The following TPD52L2 variants were observed in gnomAD, a reference collection of about 807,000 sequenced individuals.
TPD52L2 encodes TPD52 like 2.
In TPD52L2, 19 loss-of-function variants were observed where a neutral mutation model predicts 24.7. That is an observed-to-expected ratio of 0.77 (90% CI 0.54 to 1.13). The LOEUF is 1.13. TPD52L2 is among the 50% of genes most tolerant of loss of function. The pLI is 0.00. For missense variants in TPD52L2, 236 were observed against 250.4 expected (o/e 0.94, Z 0.39); for synonymous variants, 104 against 100.2 (o/e 1.04, Z -0.23).
intron 2 of TPD52L2, among the ~76,000 whole-genome samples, chr20:63,872,653 C>T (rs2052511024): frequency 6.6e-6 from 1 of 152,102 alleles, no homozygotes; most frequent in Admixed American, 6.5e-5. Flanking sequence ...GCTGGGATTA[C>T]AGGCGTGAGC....
rs1176732861 is a variant in TPD52L2 at position 63,877,033 on chromosome 20, G to T, written c.374+1158G>T. The stretch of plus-strand genomic sequence containing the variant: ...GCCCTGGGTTTTTTTTGTTTGTTTG[G>T]TTTTTTTTTTGAGACAACGTCTCGT... On this transcript the variant is annotated intron_variant, in intron 4 of 6. Transcript: ENST00000346249. This position sits in a 1 kb window ranked among gnomAD's most constrained non-coding sequence, Gnocchi z 4.1. 5.5e-5 allele frequency: 22 copies of T among 401,126 alleles called. No individual in the cohort carries two copies. The East Asian group carries it at 8.4e-4, about 15-fold the overall frequency. 24.8% of individuals were successfully genotyped at this position (401,126 alleles called of 1,614,324 possible).
chr20:63,876,343 T>C (rs2146206486), intron 4 of TPD52L2, among the ~76,000 whole-genome samples: 1 of 152,316 alleles, frequency 6.6e-6, no homozygotes, highest in East Asian at 1.9e-4. Flanking sequence ...GTGGAGGGCA[T>C]GGTGTAGGAT....
At chr20:63,866,499 C>T (rs1054197384) in intron 1 of TPD52L2, among the ~76,000 whole-genome samples, 1 of 150,988 alleles carries the variant, frequency 6.6e-6, no homozygotes, top group African/African-American at 2.4e-5. Context: ...CTCACTCTGT[C>T]GCCCAGGCTG....
intron 5 of TPD52L2, chr20:63,888,107 G>A (rs1330386589): frequency 6.1e-6 from 1 of 164,336 alleles, no homozygotes; most frequent in East Asian, 1.8e-4. Flanking sequence ...TCCCTATTCT[G>A]TGCCTGCGCC....
intron 5 of TPD52L2, chr20:63,887,761 C>A (rs949134149): frequency 8.0e-6 from 6 of 748,326 alleles, no homozygotes; most frequent in Admixed American, 6.4e-5. Flanking sequence ...CCGGTAAAAA[C>A]CCCCTCTAGG....
intron 4 of TPD52L2, among the ~76,000 whole-genome samples, chr20:63,880,201 T>G (rs1469525462): frequency 9.0e-5 from 6 of 66,344 alleles, no homozygotes; most frequent in South Asian, 7.5e-4. Context: ...CAGGTGCAGC[T>G]TCCCCATCCC....
chr20:63,885,513 C>T (rs754599189), intron 5 of TPD52L2, among the ~76,000 whole-genome samples: 49 of 152,210 alleles, frequency 3.2e-4, no homozygotes, highest in South Asian at 4.1e-4. Flanking sequence ...AAATGCTCGG[C>T]GCCAAGGGTG....
At chr20:63,885,147 C>T (rs571284566) in intron 5 of TPD52L2, among the ~76,000 whole-genome samples, 30 of 152,328 alleles carry the variant, frequency 2.0e-4, no homozygotes, top group Non-Finnish European at 3.8e-4. Context: ...AACTCTTGGG[C>T]GGAAGCCCCT....
At position 63,871,696 on chromosome 20, in the gene TPD52L2, C is replaced by T. The variant is rs866599536; in HGVS notation, c.166-1972C>T. On this transcript the variant is annotated intron_variant, in intron 2 of 6. Coordinates refer to ENST00000346249, the MANE Select transcript of TPD52L2 (RefSeq NM_003288.4). Reference sequence around the variant, plus strand: ...TTGCCCAGGCTGGAGTGGAATGGTGCGATCTTGGCTCACTGCAGCCTCTGC... The same window carrying T: ...TTGCCCAGGCTGGAGTGGAATGGTGTGATCTTGGCTCACTGCAGCCTCTGC... Among the ~76,000 whole-genome samples the T allele has an allele frequency of 5.1e-5, 7 of 137,920 alleles. No homozygotes were observed. The Admixed American group carries it at 5.2e-4, about 10-fold the overall frequency. 90.5% of individuals were successfully genotyped at this position (137,920 alleles called of 152,430 possible).
Position 63,875,065 on chromosome 20 carries a change from C to T in TPD52L2, c.315-751C>T, listed in dbSNP as rs1311474003. On this transcript the variant is annotated intron_variant, in intron 3 of 6. Coordinates refer to ENST00000346249, the MANE Select transcript of TPD52L2 (RefSeq NM_003288.4). ...GCTGAGGCAGGAGAATCTCTTTAAC[C>T]CGGGAGGCGGAGGTTGCAGTGAGCC... Among the ~76,000 whole-genome samples, 4 of 151,710 alleles carry T rather than the reference C, an allele frequency of 2.6e-5. No homozygotes were observed. In the South Asian group the frequency reaches 8.3e-4, roughly 32 times the overall value.
intron 2 of TPD52L2, among the ~76,000 whole-genome samples, chr20:63,872,553 T>G (rs1288580140): frequency 6.6e-6 from 1 of 150,900 alleles, no homozygotes; most frequent in Non-Finnish European, 1.5e-5. Flanking sequence ...AATTTTTGTA[T>G]TTTTAGTAGA....
At chr20:63,887,745 T>A in intron 5 of TPD52L2, 1 of 852,868 alleles carries the variant, frequency 1.2e-6, no homozygotes. Flanking sequence ...CTCTGATGAC[T>A]AAGGGCCGGT....
rs1475944288 is a variant in TPD52L2, at chr20:63,877,212, A to G, written c.374+1337A>G. ...GGCTAATTTTTTCTATTTTTAGTAG[A>G]GACAGGATTTCACCATGTCAGCCAG... On this transcript the variant is annotated intron_variant, in intron 4 of 6. Transcript: ENST00000346249. The surrounding 1 kb of genome is among the most constrained non-coding windows in gnomAD (Gnocchi z 4.1). 1 of 344,442 alleles carries G rather than the reference A, an allele frequency of 2.9e-6. No individual in the cohort carries two copies. Among genetic ancestry groups the G allele is most frequent in the South Asian group, 2.2e-5 (1 of 45,410 alleles). 21.3% of individuals were successfully genotyped at this position (344,442 alleles called of 1,614,324 possible). A position where few individuals can be genotyped will look rare whatever the true frequency, so the allele number is the denominator to read the frequency against.
intron 5 of TPD52L2, among the ~76,000 whole-genome samples, chr20:63,884,858 G>A (rs1217867254): frequency 6.6e-6 from 1 of 152,218 alleles, no homozygotes; most frequent in Non-Finnish European, 1.5e-5. Flanking sequence ...GGCTGGCCGT[G>A]TTCACGGTGC....
In TPD52L2 at chr20:63,870,520, GTT is replaced by G. The variant is rs959786861; in HGVS notation, c.165+1103_165+1104del. Among the ~76,000 whole-genome samples, 743 of 94,418 alleles carry G rather than the reference GTT, an allele frequency of 7.9e-3. 1 individual carries two copies. The highest frequency in any genetic ancestry group is 0.029 in the African/African-American group (677 of 22,986). 61.9% of individuals were successfully genotyped at this position (94,418 alleles called of 152,430 possible). On this transcript the variant is annotated intron_variant, in intron 2 of 6. Transcript: ENST00000346249. The stretch of plus-strand genomic sequence containing the variant: ...CAGAGTTGAATTACAATAAGGTGAA[GTT>G]TTTTTTTTTTTTTTTTTTTTTTTGA...
intron 4 of TPD52L2, among the ~76,000 whole-genome samples, chr20:63,878,054 G>A (rs999407603): frequency 2.0e-5 from 3 of 152,264 alleles, no homozygotes; most frequent in Non-Finnish European, 4.4e-5. Context: ...GCCATGGCGC[G>A]TGCTCTTCCT....
chr20:63,867,014 C>T (rs1023272252), intron 1 of TPD52L2, among the ~76,000 whole-genome samples: 7 of 150,202 alleles, frequency 4.7e-5, no homozygotes, highest in Admixed American at 2.0e-4. Context: ...AGTACAATGG[C>T]GCGATCATGG....
Position 63,877,961 on chromosome 20 carries a change from C to T in TPD52L2, c.374+2086C>T, listed in dbSNP as rs371253095. ...CCGAGGGCGATGGTTTCTGCCGGGACGGCCGAGGCCGAGGGCGGTGGTTTC... is the reference window on the plus strand; with the variant it reads ...CCGAGGGCGATGGTTTCTGCCGGGATGGCCGAGGCCGAGGGCGGTGGTTTC... On this transcript the variant is annotated intron_variant, in intron 4 of 6. Coordinates refer to ENST00000346249, the MANE Select transcript of TPD52L2 (RefSeq NM_003288.4). The surrounding 1 kb of genome is among the most constrained non-coding windows in gnomAD (Gnocchi z 4.1). Among the ~76,000 whole-genome samples the T allele has an allele frequency of 8.5e-5, 13 of 152,204 alleles. No individual in the cohort carries two copies. Among genetic ancestry groups the T allele is most frequent in the African/African-American group, 2.9e-4 (12 of 41,548 alleles).
chr20:63,887,526 C>T, intron 5 of TPD52L2: 5 of 1,604,998 alleles, frequency 3.1e-6, no homozygotes, highest in Non-Finnish European at 4.3e-6. Flanking sequence ...GGTGTTAACT[C>T]TTGCTTCCTT....
Sources: gnomAD v4.1 joint callset for allele counts (sites outside exome capture counted in the v4.1 genomes callset) on GRCh38, gnomAD v4.1.1 for gene constraint, Gnocchi (gnomAD v3.1) non-coding constraint, MANE v1.5 for transcripts, NCBI Gene and HGNC (gene_info 2026-07-23, HGNC 2026-07-21) for gene names.